Variants in PRICKLE2 observed in about 807,000 individuals in gnomAD.
PRICKLE2 encodes prickle-like protein 2.
In PRICKLE2, 21 loss-of-function variants were observed where a neutral mutation model predicts 81.4. The ratio of observed to expected loss-of-function variants is 0.26; its 90% confidence interval spans 0.18 to 0.37. The LOEUF (loss-of-function observed/expected upper bound fraction) is 0.37, where lower values mean the gene tolerates loss of function less well. Among genes scored for constraint, PRICKLE2 ranks in the 10% least tolerant of loss-of-function variants. The pLI is 1.00. For synonymous variants in PRICKLE2, 456 were observed against 421.5 expected (o/e 1.08, Z -1.00); for missense variants, 940 against 1,109.0 (o/e 0.85, Z 2.16).
In PRICKLE2 at chr3:64,207,317, G is replaced by GA. The variant is rs781117942; in HGVS notation, c.-40-8351dup. Among the ~76,000 whole-genome samples, 27 of 152,166 alleles carry GA rather than the reference G, an allele frequency of 1.8e-4. No homozygotes were observed. In the South Asian group the frequency reaches 3.5e-3, roughly 20 times the overall value. On this transcript the variant is annotated intron_variant, in intron 1 of 7. Coordinates refer to ENST00000638394, the MANE Select transcript of PRICKLE2 (RefSeq NM_198859.4). ...AATATACAACTATACAACTAATGTA[G>GA]AAAAAATCAGAAACTACAGATAAGA...
intron 2 of PRICKLE2, among the ~76,000 whole-genome samples, chr3:64,233,870 T>G (rs1052153275): frequency 6.6e-6 from 1 of 152,160 alleles, no homozygotes; most frequent in South Asian, 2.1e-4. Context: ...CAAACACTAA[T>G]CTACTTTCTG....
chr3:64,254,809 T>C (rs866512295), intron 2 of PRICKLE2, among the ~76,000 whole-genome samples: 1 of 152,198 alleles, frequency 6.6e-6, no homozygotes, highest in Non-Finnish European at 1.5e-5. Flanking sequence ...TCAGAAATAG[T>C]ACAGTTGAAA....
intron 2 of PRICKLE2, among the ~76,000 whole-genome samples, chr3:64,236,880 T>A (rs1334086939): frequency 6.6e-6 from 1 of 152,212 alleles, no homozygotes; most frequent in East Asian, 1.9e-4. Flanking sequence ...GCTCAGTAAG[T>A]GTAAGGTACT....
chr3:64,163,447 C>T (rs1412021808), intron 2 of PRICKLE2: 4 of 429,990 alleles, frequency 9.3e-6, no homozygotes, highest in South Asian at 4.4e-5. Flanking sequence ...CGGCAGACTC[C>T]CCTGAGAGCT....
Position 64,220,852 on chromosome 3 carries a change from G to A in PRICKLE2, c.-41+4058C>T, listed in dbSNP as rs550941821. 1.3e-4 allele frequency among the ~76,000 whole-genome samples: 20 copies of A among 152,212 alleles called. 1 individual carries two copies. The highest frequency in any genetic ancestry group is 9.2e-4 in the Admixed American group (14 of 15,280). On this transcript the variant is annotated intron_variant, in intron 1 of 7. Transcript: ENST00000638394. ...TTATAGACTTCATAGCCAAACATGC[G>A]CTAAAGTTTACCCCCTACACCCACC... is the stretch of plus-strand genomic sequence containing the variant.
In PRICKLE2 at chr3:64,146,822, G is replaced by T; in HGVS notation, c.1660+8C>A. ...TTTCTATCTGTTTTCAAGGTGAACA[G>T]AACCTACCTGTTGCATTAGACAGGG... On this transcript the variant is annotated splice_region_variant and intron_variant, in intron 7 of 7. Transcript: ENST00000638394. 6.2e-7 allele frequency: 1 copy of T among 1,613,996 alleles called. No homozygotes were observed. The highest frequency in any genetic ancestry group is 8.5e-7 in the Non-Finnish European group (1 of 1,179,988).
chr3:64,206,305 C>T (rs695938), intron 1 of PRICKLE2, among the ~76,000 whole-genome samples: 125,475 of 152,108 alleles, frequency 0.82, 53,197 homozygotes, highest in Non-Finnish European at 0.92. Flanking sequence ...GCCTCCTAGT[C>T]AGAAAGGAGT....
In PRICKLE2 at chr3:64,257,938, C is replaced by T. The variant is rs561940382; in HGVS notation, c.129-58971G>A. On this transcript the variant is annotated intron_variant, in intron 2 of 8. Transcript: ENST00000295902. ...TATAAAAGAGACCCCAAAGTGCTAG[C>T]TCTTCCCTTCCACTGTGTGAAGACA... Among the ~76,000 whole-genome samples the T allele has an allele frequency of 2.6e-5, 4 of 152,266 alleles. No homozygotes were observed. In the East Asian group the frequency reaches 5.8e-4, roughly 22 times the overall value.
chr3:64,144,569 T>C (rs2077414520), intron 7 of PRICKLE2, among the ~76,000 whole-genome samples: 1 of 152,240 alleles, frequency 6.6e-6, no homozygotes, highest in South Asian at 2.1e-4. Flanking sequence ...CACCATCGGC[T>C]ATGGAATCCT....
intron 1 of PRICKLE2, among the ~76,000 whole-genome samples, chr3:64,214,963 A>T (rs2078849613): frequency 1.3e-5 from 2 of 151,684 alleles, no homozygotes; most frequent in South Asian, 4.2e-4. Context: ...TCCTACTCCA[A>T]CTCACCATTA....
At chr3:64,101,670 C>T (rs975383378) in intron 7 of PRICKLE2, 15 of 152,176 alleles carry the variant, frequency 9.9e-5, no homozygotes, top group African/African-American at 3.4e-4. Context: ...AGAGAGGGCT[C>T]TATGTATAGT....
At chr3:64,188,901 C>T (rs103323) in intron 2 of PRICKLE2, among the ~76,000 whole-genome samples, 101,513 of 152,006 alleles carry the variant, frequency 0.67, 35,010 homozygotes, top group East Asian at 0.95. Context: ...CTCCTTGCTC[C>T]AGATCATATC....
rs149945471 is a variant in PRICKLE2, at chr3:64,129,515, G to C, written c.1660+17315C>G. Among the ~76,000 whole-genome samples the C allele has an allele frequency of 3.3e-3, 507 of 152,180 alleles. 3 individuals are homozygous for C. The highest frequency in any genetic ancestry group is 0.011 in the African/African-American group (455 of 41,520). ...AAGAATAAAAAATTCGGGAATGCTG[G>C]GGGGTGGGAGTCTCATGTTTAGTTA... On this transcript the variant is annotated intron_variant, in intron 7 of 7. Transcript: ENST00000638394.
chr3:64,186,567 A>G (rs1337337780), intron 2 of PRICKLE2, among the ~76,000 whole-genome samples: 1 of 152,210 alleles, frequency 6.6e-6, no homozygotes, highest in Non-Finnish European at 1.5e-5. Context: ...GGCCACCTAA[A>G]GCAACATATA....
chr3:64,159,065 T>A (rs1207268760), intron 4 of PRICKLE2, among the ~76,000 whole-genome samples: 1 of 152,140 alleles, frequency 6.6e-6, no homozygotes, highest in African/African-American at 2.4e-5. Flanking sequence ...GGGCAAGGTG[T>A]GTTCCCACCC....
chr3:64,116,044 A>C (rs2076929279), intron 7 of PRICKLE2, among the ~76,000 whole-genome samples: 1 of 152,226 alleles, frequency 6.6e-6, no homozygotes, highest in Non-Finnish European at 1.5e-5. Context: ...TAAGAAATTC[A>C]CTCAAAACCA....
At position 64,099,411 on chromosome 3, in the gene PRICKLE2, T is replaced by A; in HGVS notation, c.2175A>T (p.Gln725His). Residue 725 changes from glutamine to histidine, a missense_variant, in exon 8 of 8, where the codon CAA becomes CAT. Transcript: ENST00000638394. The surrounding 1 kb of genome is among the most constrained non-coding windows in gnomAD (Gnocchi z 4.3). ...CCTGGAAGCTCCGCTGGCGCATAAA[T>A]TGGTCATAGTCCTCCCTGGCTCTCA... is the stretch of plus-strand genomic sequence containing the variant. ...PPLRAREDYD[Q>H]FMRQRSFQES... 1 of 1,598,206 alleles carries A rather than the reference T, an allele frequency of 6.3e-7. No homozygotes were observed.
At chr3:64,238,307 G>C (rs768993204) in intron 2 of PRICKLE2, among the ~76,000 whole-genome samples, 5 of 151,956 alleles carry the variant, frequency 3.3e-5, no homozygotes, top group Non-Finnish European at 5.9e-5. Context: ...GGACAACATG[G>C]TGAAACCTCG....
intron 2 of PRICKLE2, among the ~76,000 whole-genome samples, chr3:64,253,413 G>A (rs909530268): frequency 4.6e-5 from 7 of 152,032 alleles, no homozygotes; most frequent in South Asian, 2.1e-4. Flanking sequence ...TACCTCTGCC[G>A]GTCACCCTAC....
Sources: allele counts gnomAD v4.1 joint callset (sites outside exome capture counted in the v4.1 genomes callset), GRCh38; gene constraint gnomAD v4.1.1; non-coding constraint Gnocchi (gnomAD v3.1); transcripts MANE v1.5; gene names NCBI Gene and HGNC (gene_info 2026-07-23, HGNC 2026-07-21).